Variants in EDNRA observed in about 807,000 individuals in gnomAD.
EDNRA encodes the protein endothelin receptor type A, also known as endothelin-1 receptor.
In EDNRA, 11 loss-of-function variants were observed where a neutral mutation model predicts 41.4. The observed-to-expected ratio is 0.27, with a 90% confidence interval of 0.17 to 0.44. The LOEUF is 0.44. EDNRA is among the 20% of genes least tolerant of loss of function. EDNRA has a pLI of 1.00. For missense variants in EDNRA, 294 were observed against 531.0 expected (o/e 0.55, Z 4.39); for synonymous variants, 172 against 183.0 (o/e 0.94, Z 0.49).
chr4:147,508,857 T>TTAA (rs1215337815), intron 2 of EDNRA, among the ~76,000 whole-genome samples: 2 of 152,220 alleles, frequency 1.3e-5, no homozygotes, highest in African/African-American at 4.8e-5. Flanking sequence ...GAGCTTTATA[T>TTAA]TAATAGTAAG....
In EDNRA at chr4:147,542,644, C is replaced by T. The variant is rs1731148034; in HGVS notation, c.*26C>T. The T allele has an allele frequency of 1.9e-6, 3 of 1,609,298 alleles. No homozygotes were observed. The highest frequency in any genetic ancestry group is 2.5e-6 in the Non-Finnish European group (3 of 1,177,768). On this transcript the variant is annotated 3_prime_UTR_variant, in exon 8 of 8. Coordinates refer to ENST00000651419, the MANE Select transcript of EDNRA (RefSeq NM_001957.4). ...CCACCCTTAGAAGCACTCCTCGGTA[C>T]TCCCATAATCCTCTCGGAGAAAAAA...
At chr4:147,514,157 C>T (rs1001193418) in intron 2 of EDNRA, among the ~76,000 whole-genome samples, 1 of 152,160 alleles carries the variant, frequency 6.6e-6, no homozygotes, top group Non-Finnish European at 1.5e-5. Flanking sequence ...ATCCTTGTGG[C>T]AGGTATGAGA....
rs1219258095 is a variant in EDNRA, at chr4:147,544,850, T to G, written c.*2232T>G. The G allele has an allele frequency of 1.3e-5, 2 of 152,662 alleles. No homozygotes were observed. Among genetic ancestry groups the G allele is most frequent in the African/African-American group, 4.8e-5 (2 of 41,454 alleles). The allele number at this position is 152,662 out of a possible 1,614,324, so 9.5% of individuals were successfully genotyped here. On this transcript the variant is annotated 3_prime_UTR_variant, in exon 8 of 8. Coordinates refer to ENST00000651419, the MANE Select transcript of EDNRA (RefSeq NM_001957.4). ...GCAGGAATATTTCCAATTTCTACCT[T>G]TACTACATCTTTTCAACAAGTAACT...
At chr4:147,508,275 A>G (rs1162553460) in intron 2 of EDNRA, among the ~76,000 whole-genome samples, 1 of 152,082 alleles carries the variant, frequency 6.6e-6, no homozygotes, top group Admixed American at 6.5e-5. Context: ...AGTAGCTGGG[A>G]TTACGGGCAT....
intron 2 of EDNRA, among the ~76,000 whole-genome samples, chr4:147,511,893 G>A (rs59458570): frequency 0.012 from 1,812 of 152,254 alleles, 36 homozygotes; most frequent in African/African-American, 0.042. Flanking sequence ...CACACAATAA[G>A]GCCCAAAACT....
chr4:147,526,136 T>C (rs1007132079), intron 3 of EDNRA, among the ~76,000 whole-genome samples: 4 of 152,244 alleles, frequency 2.6e-5, no homozygotes, highest in Non-Finnish European at 4.4e-5. Flanking sequence ...AGGATCTTAT[T>C]TGGGAGTCTG....
In EDNRA at chr4:147,486,717, T is replaced by G. The variant is rs6823537; in HGVS notation, c.420+616T>G. Among the ~76,000 whole-genome samples the G allele has an allele frequency of 0.41, 61,585 of 151,892 alleles. 14,624 individuals carry two copies. The highest frequency in any genetic ancestry group is 0.67 in the African/African-American group (27,692 of 41,374). ...TTACTAACTAATACCACTTAAAATTTGCCTGCTTTACTGTGGTCTCCTTCA... is the reference window on the plus strand; with the variant it reads ...TTACTAACTAATACCACTTAAAATTGGCCTGCTTTACTGTGGTCTCCTTCA... On this transcript the variant is annotated intron_variant, in intron 2 of 7. Coordinates refer to ENST00000651419, the MANE Select transcript of EDNRA (RefSeq NM_001957.4). The surrounding 1 kb of genome is among the most constrained non-coding windows in gnomAD (Gnocchi z 4.3).
At chr4:147,529,330 G>A (rs1730667518) in intron 3 of EDNRA, among the ~76,000 whole-genome samples, 1 of 152,112 alleles carries the variant, frequency 6.6e-6, no homozygotes, top group South Asian at 2.1e-4. Flanking sequence ...TTAAAGGTGA[G>A]GCACCAGGCT....
At chr4:147,481,624 C>T (rs1316646790) in intron 1 of EDNRA, among the ~76,000 whole-genome samples, 1 of 151,936 alleles carries the variant, frequency 6.6e-6, no homozygotes, top group Non-Finnish European at 1.5e-5. Context: ...CTTCACCTCT[C>T]CACGTTAGGG....
intron 2 of EDNRA, chr4:147,492,415 A>C (rs1729168159): frequency 6.6e-6 from 1 of 152,110 alleles, no homozygotes; most frequent in South Asian, 2.1e-4. Context: ...TTTTTTTCTG[A>C]AAATCAGAAT....
chr4:147,482,703 G>T (rs2126361949), intron 1 of EDNRA, among the ~76,000 whole-genome samples: 1 of 152,328 alleles, frequency 6.6e-6, no homozygotes, highest in South Asian at 2.1e-4. Context: ...TGGTGTCATT[G>T]TTGGAGGAGG....
intron 2 of EDNRA, among the ~76,000 whole-genome samples, chr4:147,515,484 C>T (rs1276217734): frequency 6.6e-6 from 1 of 152,142 alleles, no homozygotes; most frequent in East Asian, 1.9e-4. Context: ...ACAGGCAACA[C>T]TGAGAACTAT....
chr4:147,485,867 T>C lies in EDNRA; in HGVS notation c.186T>C (p.Asn62=). 6.2e-7 allele frequency: 1 copy of C among 1,614,250 alleles called. No homozygotes were observed. Among genetic ancestry groups the C allele is most frequent in the Admixed American group, 1.7e-5 (1 of 60,028 alleles). ...HQPTNLVLPS[N]GSMHNYCPQQ... ...CCACTAATTTGGTCCTACCCAGCAA[T>C]GGCTCAATGCACAACTATTGCCCAC... Residue 62 remains asparagine, a synonymous_variant, in exon 2 of 8, where the codon AAT becomes AAC. Coordinates refer to ENST00000651419, the MANE Select transcript of EDNRA (RefSeq NM_001957.4).
rs1731208661 is a variant in EDNRA at position 147,544,119 on chromosome 4, A to T, written c.*1501A>T. On this transcript the variant is annotated 3_prime_UTR_variant, in exon 8 of 8. Coordinates refer to ENST00000651419, the MANE Select transcript of EDNRA (RefSeq NM_001957.4). The stretch of plus-strand genomic sequence containing the variant: ...TGTATGGATTTAATCTAATCTAATA[A>T]TTGTGCCCCGCAGTTGTGCCAAAGT... The T allele has an allele frequency of 6.6e-6, 1 of 152,632 alleles. No homozygotes were observed. The highest frequency in any genetic ancestry group is 6.5e-5 in the Admixed American group (1 of 15,278). 9.5% of individuals were successfully genotyped at this position (152,632 alleles called of 1,614,324 possible). A position where few individuals can be genotyped will look rare whatever the true frequency, so the allele number is the denominator to read the frequency against.
intron 1 of EDNRA, among the ~76,000 whole-genome samples, chr4:147,483,056 C>G (rs769757718): frequency 6.6e-6 from 1 of 152,182 alleles, no homozygotes; most frequent in Non-Finnish European, 1.5e-5. Context: ...CCCCCTGTAT[C>G]TGTGATCCAA....
chr4:147,535,939 C>T lies in EDNRA; in HGVS notation c.810C>T (p.Cys270=), dbSNP rs753441553. The T allele has an allele frequency of 1.8e-5, 29 of 1,613,434 alleles. No individual in the cohort carries two copies. Among genetic ancestry groups the T allele is most frequent in the Non-Finnish European group, 2.5e-5 (29 of 1,179,878 alleles). Reference sequence around the variant, plus strand: ...TCTATTTCTGTATGCCCTTGGTGTGCACTGCGATCTTCTACACCCTCATGA... The same window carrying T: ...TCTATTTCTGTATGCCCTTGGTGTGTACTGCGATCTTCTACACCCTCATGA... ...FGFYFCMPLV[C]TAIFYTLMTC... Residue 270 remains cysteine, a synonymous_variant, in exon 5 of 8, where the codon TGC becomes TGT. Transcript: ENST00000651419.
chr4:147,532,401 C>T, intron 3 of EDNRA, 105 bp from the exon 4 acceptor site: 1 of 708,436 alleles, frequency 1.4e-6, no homozygotes. Flanking sequence ...AAGACAATTA[C>T]TGGTATTGGC....
chr4:147,496,583 A>G (rs915371546), intron 2 of EDNRA, among the ~76,000 whole-genome samples: 14 of 152,232 alleles, frequency 9.2e-5, no homozygotes, highest in African/African-American at 3.4e-4. Context: ...GAAGTCTCCT[A>G]GTCACTATCC....
At chr4:147,485,423 T>C (rs964171815) in intron 1 of EDNRA, among the ~76,000 whole-genome samples, 189 bp from the exon 2 acceptor site, 3 of 152,114 alleles carry the variant, frequency 2.0e-5, no homozygotes, top group Non-Finnish European at 2.9e-5. Flanking sequence ...ATAGAGGAGA[T>C]AGAGCTTGCC....
Sources: gnomAD v4.1 joint callset for allele counts (sites outside exome capture counted in the v4.1 genomes callset) on GRCh38, gnomAD v4.1.1 for gene constraint, Gnocchi (gnomAD v3.1) non-coding constraint, MANE v1.5 for transcripts, NCBI Gene and HGNC (gene_info 2026-07-23, HGNC 2026-07-21) for gene names.